The following LRRN1 variants were observed in gnomAD, a reference collection of about 807,000 sequenced individuals.
The protein encoded by LRRN1 is leucine rich repeat neuronal 1.
A neutral mutation model predicts 45.8 loss-of-function variants in LRRN1; 14 were observed. The observed-to-expected ratio is 0.31, with a 90% CI of 0.20 to 0.48. The LOEUF is 0.48. Ranked by LOEUF, LRRN1 falls within the 20% of genes least tolerant of loss-of-function variation. The probability of loss-of-function intolerance (pLI) is 0.99; values close to 1 mark genes in which losing one functional copy is unlikely to be tolerated. For synonymous variants in LRRN1, 359 were observed against 330.1 expected (o/e 1.09, Z -0.95); for missense variants, 789 against 874.2 (o/e 0.90, Z 1.23).
At chr3:3,803,951 A>G (rs1692706411) in intron 1 of LRRN1, among the ~76,000 whole-genome samples, 2 of 152,250 alleles carry the variant, frequency 1.3e-5, no homozygotes, top group African/African-American at 4.8e-5. Flanking sequence ...TTGACATTGC[A>G]TTATAATCCA....
At chr3:3,818,238 T>A (rs1379361698) in intron 1 of LRRN1, among the ~76,000 whole-genome samples, 1 of 152,228 alleles carries the variant, frequency 6.6e-6, no homozygotes, top group East Asian at 1.9e-4. Context: ...GCATTTAACA[T>A]TTAATCATGC....
At position 3,847,627 on chromosome 3, in the gene LRRN1, C is replaced by G. The variant is rs950308467; in HGVS notation, c.*835C>G. 5 of 166,948 alleles carry G rather than the reference C, an allele frequency of 3.0e-5. No homozygotes were observed. The highest frequency in any genetic ancestry group is 1.3e-4 in the Admixed American group (2 of 15,270). 10.3% of individuals were successfully genotyped at this position (166,948 alleles called of 1,614,324 possible). ...TTGTTCTGATTTTTTAGAACACTTG[C>G]AATAATGTATCATTTATAGTTCTTG... On this transcript the variant is annotated 3_prime_UTR_variant, in exon 2 of 2. Coordinates refer to ENST00000319331, the MANE Select transcript of LRRN1 (RefSeq NM_020873.7).
chr3:3,839,081 C>T (rs1326623125), intron 1 of LRRN1, among the ~76,000 whole-genome samples: 2 of 152,044 alleles, frequency 1.3e-5, no homozygotes, highest in East Asian at 3.9e-4. Flanking sequence ...AAACCATTGC[C>T]AAATACCCTG....
rs549529045 is a variant in LRRN1, at chr3:3,818,496, A to G, written c.-279+18577A>G. 3.3e-5 allele frequency among the ~76,000 whole-genome samples: 5 copies of G among 152,292 alleles called. No individual in the cohort carries two copies. In the South Asian group the frequency reaches 6.2e-4, roughly 19 times the overall value. On this transcript the variant is annotated intron_variant, in intron 1 of 1. Coordinates refer to ENST00000319331, the MANE Select transcript of LRRN1 (RefSeq NM_020873.7). ...ATGATTCCAGCTATGCAAATAGTCT[A>G]TTTCTTAAAAAGAAAAAAACAACTT...
Sources: gnomAD v4.1 joint callset for allele counts (sites outside exome capture counted in the v4.1 genomes callset) on GRCh38, gnomAD v4.1.1 for gene constraint, MANE v1.5 for transcripts, NCBI Gene and HGNC (gene_info 2026-07-23, HGNC 2026-07-21) for gene names.